Variants in FMO2 observed in about 807,000 individuals in gnomAD.
FMO2 encodes the protein flavin containing dimethylaniline monoxygenase 2.
Under a neutral mutation model 41.6 loss-of-function variants are expected in FMO2, and 33 were observed. That is an observed-to-expected ratio of 0.79 (90% CI 0.60 to 1.06). FMO2 has a LOEUF of 1.06. Among genes scored for constraint, FMO2 ranks in the 50% least tolerant of loss-of-function variants. FMO2 has a pLI of 0.00. For missense variants in FMO2, 619 were observed against 632.9 expected (o/e 0.98, Z 0.23); for synonymous variants, 214 against 219.6 (o/e 0.97, Z 0.23).
chr1:171,208,928 A>G lies in FMO2; in HGVS notation c.1391A>G (p.Tyr464Cys), dbSNP rs758024334. ...GATCCTAAACTGGCTGTGAGACTCT[A>G]TTTCGGACCCTGCAACTCCTATCAG... ...FKDPKLAVRL[Y>C]FGPCNSYQYR... Residue 464 changes from tyrosine to cysteine, a missense_variant, in exon 9 of 9, where the codon TAT becomes TGT. Physicochemically the swap from Tyr to Cys is radical, Grantham distance 194. Transcript: ENST00000209929. 4.0e-5 allele frequency: 65 copies of G among 1,613,758 alleles called. No individual in the cohort carries two copies. Among genetic ancestry groups the G allele is most frequent in the Non-Finnish European group, 4.9e-5 (58 of 1,179,884 alleles).
At chr1:171,205,015 C>A (rs1459920099) in intron 6 of FMO2, among the ~76,000 whole-genome samples, 1 of 152,168 alleles carries the variant, frequency 6.6e-6, no homozygotes, top group Non-Finnish European at 1.5e-5. Flanking sequence ...GGCATTTTGT[C>A]TAAGCCCTTG....
At chr1:171,187,569 C>T (rs1051579324) in intron 2 of FMO2, among the ~76,000 whole-genome samples, 4 of 146,990 alleles carry the variant, frequency 2.7e-5, no homozygotes, top group Non-Finnish European at 4.5e-5. Context: ...CCCAGGCTAC[C>T]ATGCCCAGCC....
Position 171,208,981 on chromosome 1 carries a change from G to T in FMO2, c.1444G>T (p.Glu482Ter). Residue 482 changes from glutamate (E) to a stop codon, truncating the protein, a stop_gained, in exon 9 of 9, where the codon GAA (glutamate) becomes TAA (stop). Coordinates refer to ENST00000209929, the MANE Select transcript of FMO2 (RefSeq NM_001460.5). LOFTEE classifies it low-confidence loss of function (END_TRUNC). ...TCGCCTGGTTGGGCCTGGGCAATGG[G>T]AAGGAGCCAGAAATGCCATCTTCAC... is the stretch of plus-strand genomic sequence containing the variant. ...QYRLVGPGQWEGARNAIFTQK... is the reference protein window; with the variant it reads ...QYRLVGPGQW 6.3e-7 allele frequency: 1 copy of T among 1,595,868 alleles called. No homozygotes were observed. Among genetic ancestry groups the T allele is most frequent in the Non-Finnish European group, 8.6e-7 (1 of 1,169,504 alleles).
At chr1:171,206,358 G>A (rs1285882062) in intron 7 of FMO2, among the ~76,000 whole-genome samples, 1 of 152,094 alleles carries the variant, frequency 6.6e-6, no homozygotes, top group Non-Finnish European at 1.5e-5. Context: ...CATTTCTCAG[G>A]GGCAGAAAAG....
rs1403860074 is a variant in FMO2, at chr1:171,210,437, T to G, written c.*1292T>G. On this transcript the variant is annotated 3_prime_UTR_variant, in exon 9 of 9. Transcript: ENST00000209929. Reference sequence around the variant, plus strand: ...CATTTGGTAAAAGGAAGTATACTGGTCTGTTAGCAGAGACAAACTTTTTTT... The same window carrying G: ...CATTTGGTAAAAGGAAGTATACTGGGCTGTTAGCAGAGACAAACTTTTTTT... 4 of 152,230 alleles carry G rather than the reference T, an allele frequency of 2.6e-5. No individual in the cohort carries two copies. The highest frequency in any genetic ancestry group is 9.6e-5 in the African/African-American group (4 of 41,462). The allele number at this position is 152,230 out of a possible 1,614,324, so 9.4% of individuals were successfully genotyped here. A position where few individuals can be genotyped will look rare whatever the true frequency, so the allele number is the denominator to read the frequency against.
Position 171,209,168 on chromosome 1 carries a change from A to T in FMO2, c.*23A>T. 1 of 432,816 alleles carries T rather than the reference A, an allele frequency of 2.3e-6. No homozygotes were observed. 26.8% of individuals were successfully genotyped at this position (432,816 alleles called of 1,614,324 possible). A position where few individuals can be genotyped will look rare whatever the true frequency, so the allele number is the denominator to read the frequency against. On this transcript the variant is annotated 3_prime_UTR_variant, in exon 9 of 9. Transcript: ENST00000209929. ...TAGTCAGCATAATGCTTTGGGCTTT[A>T]TTATCTTGTCAGTCACTACCTCCTA...
intron 5 of FMO2, among the ~76,000 whole-genome samples, chr1:171,203,639 C>A (rs1658628322): frequency 1.3e-5 from 2 of 152,136 alleles, no homozygotes; most frequent in African/African-American, 4.8e-5. Flanking sequence ...CAAAGACTTT[C>A]TCGTGTCTCC....
chr1:171,185,799 C>G lies in FMO2; in HGVS notation c.86C>G (p.Thr29Ser). 1 of 1,613,826 alleles carries G rather than the reference C, an allele frequency of 6.2e-7. No individual in the cohort carries two copies. The highest frequency in any genetic ancestry group is 8.5e-7 in the Non-Finnish European group (1 of 1,179,816). ...KCCVDEGLEP[T>S]CFERTEDIGG... ...TGTGTGGATGAGGGACTTGAGCCCA[C>G]TTGCTTTGAGAGAACTGAAGATATT... is the stretch of plus-strand genomic sequence containing the variant. Residue 29 changes from threonine (T) to serine (S), a missense_variant, in exon 2 of 9, where the codon ACT becomes AGT. Thr to Ser is a moderately conservative substitution (Grantham distance 58). Coordinates refer to ENST00000209929, the MANE Select transcript of FMO2 (RefSeq NM_001460.5).
chr1:171,207,603 C>A, intron 7 of FMO2, 115 bp from the exon 8 acceptor site: 1 of 753,406 alleles, frequency 1.3e-6, no homozygotes, highest in Non-Finnish European at 2.3e-6. Context: ...AGCACGGAAG[C>A]CCTGACTGGT....
At chr1:171,189,625 A>T (rs1657992824) in intron 2 of FMO2, among the ~76,000 whole-genome samples, 1 of 151,704 alleles carries the variant, frequency 6.6e-6, no homozygotes, top group Non-Finnish European at 1.5e-5. Flanking sequence ...AGAGCTTCTA[A>T]AATACAGAAA....
Position 171,209,212 on chromosome 1 carries a change from A to G in FMO2, c.*67A>G, listed in dbSNP as rs1658883289. The G allele has an allele frequency of 2.4e-6, 1 of 421,322 alleles. No individual in the cohort carries two copies. Among genetic ancestry groups the G allele is most frequent in the Non-Finnish European group, 4.2e-6 (1 of 239,702 alleles). The allele number at this position is 421,322 out of a possible 1,614,324, so 26.1% of individuals were successfully genotyped here. ...CCTCCTAAAGAAAAAAAAAAAGGCTAGAAGAAAAAACATTACATTCATGTT... is the reference window on the plus strand; with the variant it reads ...CCTCCTAAAGAAAAAAAAAAAGGCTGGAAGAAAAAACATTACATTCATGTT... On this transcript the variant is annotated 3_prime_UTR_variant, in exon 9 of 9. Transcript: ENST00000209929.
chr1:171,195,866 ACT>A (rs1275859065), intron 3 of FMO2, among the ~76,000 whole-genome samples: 4 of 152,220 alleles, frequency 2.6e-5, no homozygotes, highest in Non-Finnish European at 1.5e-5. Flanking sequence ...CACATGATGT[ACT>A]CTGTTTTAAA....
intron 5 of FMO2, among the ~76,000 whole-genome samples, chr1:171,201,298 G>T (rs1293289580): frequency 2.0e-5 from 3 of 151,998 alleles, no homozygotes; most frequent in African/African-American, 2.4e-5. Flanking sequence ...CTACATAATA[G>T]ATTCCTCCTA....
At chr1:171,198,410 ATTTT>A (rs34908571) in intron 4 of FMO2, among the ~76,000 whole-genome samples, 9 of 145,220 alleles carry the variant, frequency 6.2e-5, no homozygotes, top group Admixed American at 2.1e-4. Flanking sequence ...CTGATAAGTG[ATTTT>A]TTTTTTTTTT....
In FMO2 at chr1:171,210,019, G is replaced by T. The variant is rs1478380895; in HGVS notation, c.*874G>T. ...CTCTAGAACTAAAGATCATAATGTT[G>T]TCTTGTAATATATTTATTTACAAAA... On this transcript the variant is annotated 3_prime_UTR_variant, in exon 9 of 9. Coordinates refer to ENST00000209929, the MANE Select transcript of FMO2 (RefSeq NM_001460.5). 1.3e-5 allele frequency: 2 copies of T among 152,050 alleles called. No homozygotes were observed. Among genetic ancestry groups the T allele is most frequent in the Admixed American group, 6.6e-5 (1 of 15,256 alleles). 9.4% of individuals were successfully genotyped at this position (152,050 alleles called of 1,614,324 possible). A position where few individuals can be genotyped will look rare whatever the true frequency, so the allele number is the denominator to read the frequency against.
intron 2 of FMO2, among the ~76,000 whole-genome samples, chr1:171,190,620 A>G (rs980383964): frequency 1.3e-5 from 2 of 152,222 alleles, no homozygotes; most frequent in African/African-American, 2.4e-5. Flanking sequence ...TACTGTTAGC[A>G]TCTTATCCCT....
rs772162212 is a variant in FMO2 at position 171,209,433 on chromosome 1, T to C, written c.*288T>C. ...GTAAGTAGTGCTGCCAACCCTGATA[T>C]AGGGGAGTTGTATGGAAAAATAGTA... On this transcript the variant is annotated 3_prime_UTR_variant, in exon 9 of 9. Transcript: ENST00000209929. 4 of 267,770 alleles carry C rather than the reference T, an allele frequency of 1.5e-5. No homozygotes were observed. Among genetic ancestry groups the C allele is most frequent in the Non-Finnish European group, 2.8e-5 (4 of 145,228 alleles). 16.6% of individuals were successfully genotyped at this position (267,770 alleles called of 1,614,324 possible). A position where few individuals can be genotyped will look rare whatever the true frequency, so the allele number is the denominator to read the frequency against.
intron 3 of FMO2, 115 bp from the exon 4 acceptor site, chr1:171,196,534 G>A: frequency 1.2e-6 from 1 of 850,346 alleles, no homozygotes; most frequent in Non-Finnish European, 1.9e-6. Flanking sequence ...ACCCTTAACA[G>A]ATTAGTCCCA....
At position 171,205,404 on chromosome 1, in the gene FMO2, T is replaced by C; in HGVS notation, c.953T>C (p.Val318Ala). Residue 318 changes from valine to alanine, a missense_variant, in exon 7 of 9, where the codon GTG becomes GCG. By Grantham distance (64) the Val-to-Ala change is moderately conservative. Coordinates refer to ENST00000209929, the MANE Select transcript of FMO2 (RefSeq NM_001460.5). ...TCTGCCATCTTTGAGGATGGAACAG[T>C]GGAGGAGAACATTGATGTCATCATT... is the stretch of plus-strand genomic sequence containing the variant. Reference protein sequence around the residue: ...ETSAIFEDGTVEENIDVIIFA... With the variant: ...ETSAIFEDGTAEENIDVIIFA... 6 of 1,613,852 alleles carry C rather than the reference T, an allele frequency of 3.7e-6. No individual in the cohort carries two copies. The highest frequency in any genetic ancestry group is 4.2e-6 in the Non-Finnish European group (5 of 1,179,816).
Sources: gnomAD v4.1 joint callset for allele counts (sites outside exome capture counted in the v4.1 genomes callset) on GRCh38, gnomAD v4.1.1 for gene constraint, MANE v1.5 for transcripts, NCBI Gene and HGNC (gene_info 2026-07-23, HGNC 2026-07-21) for gene names.